The following SLC16A10 variants were observed in gnomAD, a reference collection of about 807,000 sequenced individuals.
SLC16A10 encodes the protein solute carrier family 16 member 10.
In SLC16A10, 27 loss-of-function variants were observed where a neutral mutation model predicts 40.0. The observed-to-expected ratio is 0.67, with a 90% CI of 0.50 to 0.93. The LOEUF is 0.93. SLC16A10 is among the 40% of genes least tolerant of loss of function. The pLI is 0.00. For missense variants in SLC16A10, 529 were observed against 658.2 expected (o/e 0.80, Z 2.15); for synonymous variants, 213 against 249.8 (o/e 0.85, Z 1.39).
chr6:111,172,750 C>A lies in SLC16A10; in HGVS notation c.399C>A (p.Ser133Arg). 2 of 1,614,078 alleles carry A rather than the reference C, an allele frequency of 1.2e-6. No homozygotes were observed. Among genetic ancestry groups the A allele is most frequent in the Non-Finnish European group, 1.7e-6 (2 of 1,180,006 alleles). Residue 133 changes from serine to arginine, a missense_variant, in exon 2 of 6, where the codon AGC becomes AGA. Coordinates refer to ENST00000368851, the MANE Select transcript of SLC16A10 (RefSeq NM_018593.5). ...GMIFFCCPIV[S>R]VFTDLFGCRK... Reference sequence around the variant, plus strand: ...TTTTCTTTTGCTGCCCAATAGTCAGCGTCTTCACAGACCTATTTGGTTGTC... The same window carrying A: ...TTTTCTTTTGCTGCCCAATAGTCAGAGTCTTCACAGACCTATTTGGTTGTC...
intron 1 of SLC16A10, among the ~76,000 whole-genome samples, chr6:111,161,803 T>C (rs1222123049): frequency 6.6e-6 from 1 of 152,170 alleles, no homozygotes; most frequent in Non-Finnish European, 1.5e-5. Context: ...TTTGGGTGAA[T>C]GAGGCTCGGC....
chr6:111,090,859 G>GTACT (rs1562393521), intron 1 of SLC16A10, among the ~76,000 whole-genome samples: 1 of 152,084 alleles, frequency 6.6e-6, no homozygotes, highest in African/African-American at 2.4e-5. Context: ...TTCTATTACC[G>GTACT]TACTCATGAT....
Position 111,147,322 on chromosome 6 carries a change from C to T in SLC16A10, c.344-25373C>T, listed in dbSNP as rs187008075. Among the ~76,000 whole-genome samples the T allele has an allele frequency of 2.5e-3, 388 of 152,176 alleles. 2 individuals carry two copies. Among genetic ancestry groups the T allele is most frequent in the African/African-American group, 8.8e-3 (367 of 41,514 alleles). On this transcript the variant is annotated intron_variant, in intron 1 of 5. Coordinates refer to ENST00000368851, the MANE Select transcript of SLC16A10 (RefSeq NM_018593.5). ...ATTTATAGCCAAATTTGATTTACTT[C>T]TAAAATGTCTTATTAAATAGTTTAA...
At chr6:111,098,594 T>C (rs924025261) in intron 1 of SLC16A10, among the ~76,000 whole-genome samples, 27 of 152,246 alleles carry the variant, frequency 1.8e-4, no homozygotes, top group South Asian at 6.2e-4. Context: ...TGGTGATATT[T>C]ATTGACTTTT....
intron 1 of SLC16A10, among the ~76,000 whole-genome samples, chr6:111,156,675 TGTG>T (rs1175906993): frequency 2.0e-5 from 3 of 152,152 alleles, no homozygotes. Context: ...CTAAATATAA[TGTG>T]GTATCTTGTA....
chr6:111,217,341 A>G (rs1187521992), intron 4 of SLC16A10, among the ~76,000 whole-genome samples: 6 of 152,254 alleles, frequency 3.9e-5, no homozygotes, highest in Non-Finnish European at 5.9e-5. Context: ...GGCACTTGGT[A>G]AACACTAAAT....
chr6:111,124,178 A>G (rs77212954), intron 1 of SLC16A10, among the ~76,000 whole-genome samples: 17,000 of 152,106 alleles, frequency 0.11, 1,256 homozygotes, highest in Middle Eastern at 0.17. Context: ...AAGTAGGTAA[A>G]CTGCAGGCAA....
In SLC16A10 at chr6:111,228,508, C is replaced by T. The variant is rs544156682; in HGVS notation, c.*6273C>T. ...GATAGGAACTACCAATATAAAATAA[C>T]ACTTAGAACTCAAATTAGATTGGTA... On this transcript the variant is annotated 3_prime_UTR_variant, in exon 6 of 6. Transcript: ENST00000368851. 6.6e-6 allele frequency: 1 copy of T among 152,258 alleles called. No individual in the cohort carries two copies. Among genetic ancestry groups the T allele is most frequent in the East Asian group, 1.9e-4 (1 of 5,190 alleles). The allele number at this position is 152,258 out of a possible 1,614,324, so 9.4% of individuals were successfully genotyped here. A position where few individuals can be genotyped will look rare whatever the true frequency, so the allele number is the denominator to read the frequency against.
At chr6:111,172,431 TATAAC>T (rs1488686630) in intron 1 of SLC16A10, among the ~76,000 whole-genome samples, 3 of 152,174 alleles carry the variant, frequency 2.0e-5, no homozygotes, top group Non-Finnish European at 4.4e-5. Context: ...TATTGTGAAA[TATAAC>T]ATACCTTCAG....
chr6:111,198,761 C>CCA (rs1277014233), intron 3 of SLC16A10, among the ~76,000 whole-genome samples: 1 of 152,176 alleles, frequency 6.6e-6, no homozygotes, highest in Non-Finnish European at 1.5e-5. Flanking sequence ...ACTCCATAAC[C>CCA]CACACCTACC....
At chr6:111,158,012 A>G (rs1438422416) in intron 1 of SLC16A10, among the ~76,000 whole-genome samples, 1 of 152,032 alleles carries the variant, frequency 6.6e-6, no homozygotes, top group Non-Finnish European at 1.5e-5. Flanking sequence ...ATGAAATGCT[A>G]TCAGCATGCA....
At chr6:111,088,404 T>C (rs937478301) in intron 1 of SLC16A10, among the ~76,000 whole-genome samples, 5 of 152,214 alleles carry the variant, frequency 3.3e-5, no homozygotes, top group Admixed American at 3.3e-4. Context: ...GAGCCCTTCC[T>C]TTTATTGTTT....
At chr6:111,088,283 CT>C (rs1770907541) in intron 1 of SLC16A10, among the ~76,000 whole-genome samples, 188 bp downstream of exon 1, 1 of 152,160 alleles carries the variant, frequency 6.6e-6, no homozygotes, top group African/African-American at 2.4e-5. Flanking sequence ...GGGTGCCCGT[CT>C]TTATATGGAA....
rs775016933 is a variant in SLC16A10 at position 111,218,999 on chromosome 6, C to T, written c.1272C>T (p.Leu424=). ...TCTCCCAAGCAATTGGATTTCTGCTCGGATTCATGTCTATACCCATGACTG... is the reference window on the plus strand; with the variant it reads ...TCTCCCAAGCAATTGGATTTCTGCTTGGATTCATGTCTATACCCATGACTG... ...QDVSQAIGFL[L]GFMSIPMTVG... is the part of the protein sequence containing the mutation. Residue 424 remains leucine (L), a synonymous_variant, in exon 5 of 6, where the codon CTC becomes CTT. Transcript: ENST00000368851. The T allele has an allele frequency of 9.9e-6, 16 of 1,614,000 alleles. No homozygotes were observed. The highest frequency in any genetic ancestry group is 5.0e-5 in the Admixed American group (3 of 59,994).
chr6:111,143,513 AT>A, intron 1 of SLC16A10, among the ~76,000 whole-genome samples: 1 of 152,194 alleles, frequency 6.6e-6, no homozygotes, highest in East Asian at 1.9e-4. Flanking sequence ...TTTTTTTAAA[AT>A]TTTTGTAGAG....
chr6:111,089,491 G>A (rs1282861014), intron 1 of SLC16A10, among the ~76,000 whole-genome samples: 1 of 152,088 alleles, frequency 6.6e-6, no homozygotes, highest in East Asian at 1.9e-4. Context: ...GTACACTCTC[G>A]TTATGCATGT....
At chr6:111,149,590 A>G (rs1417689981) in intron 1 of SLC16A10, among the ~76,000 whole-genome samples, 1 of 152,236 alleles carries the variant, frequency 6.6e-6, no homozygotes, top group Non-Finnish European at 1.5e-5. Context: ...TCAGATTTCT[A>G]TAAGGCTTAT....
intron 2 of SLC16A10, among the ~76,000 whole-genome samples, chr6:111,174,306 T>G (rs1475941194): frequency 6.6e-6 from 1 of 152,068 alleles, no homozygotes; most frequent in African/African-American, 2.4e-5. Flanking sequence ...AAATTTACAT[T>G]TGACTTTTTA....
intron 1 of SLC16A10, among the ~76,000 whole-genome samples, chr6:111,140,821 TGTC>T (rs1481705789): frequency 6.6e-6 from 1 of 152,178 alleles, no homozygotes; most frequent in African/African-American, 2.4e-5. Flanking sequence ...GGTCTTTCTG[TGTC>T]ACCAAGGCTG....
Sources: gnomAD v4.1 joint callset for allele counts (sites outside exome capture counted in the v4.1 genomes callset) on GRCh38, gnomAD v4.1.1 for gene constraint, MANE v1.5 for transcripts, NCBI Gene and HGNC (gene_info 2026-07-23, HGNC 2026-07-21) for gene names.